ZNF713: variants seen among roughly 807,000 people sequenced by gnomAD.
ZNF713 encodes the protein zinc finger protein 713.
ZNF713 carries 21 observed loss-of-function variants against 28.7 expected under a neutral mutation model. That is an observed-to-expected ratio of 0.73 (90% CI 0.52 to 1.05). The LOEUF (loss-of-function observed/expected upper bound fraction) is 1.05. Ranked by LOEUF, ZNF713 falls within the 50% of genes least tolerant of loss-of-function variation. ZNF713 has a pLI of 0.00. For missense variants in ZNF713, 458 were observed against 532.4 expected (o/e 0.86, Z 1.37); for synonymous variants, 167 against 178.0 (o/e 0.94, Z 0.49).
chr7:55,930,040 C>T lies in ZNF713; in HGVS notation c.307+6341C>T, dbSNP rs537367834. The stretch of plus-strand genomic sequence containing the variant: ...AATGCTCCTCTTAATAAGAGGCCAA[C>T]AGCCCAATAAAAATAATATGAACAG... On this transcript the variant is annotated intron_variant, in intron 6 of 6. Transcript: ENST00000429591. 2.0e-5 allele frequency among the ~76,000 whole-genome samples: 3 copies of T among 151,994 alleles called. No homozygotes were observed. The South Asian group carries it at 6.2e-4, about 32-fold the overall frequency.
At chr7:55,897,055 A>G (rs1337590748) in intron 1 of ZNF713, among the ~76,000 whole-genome samples, 1 of 152,162 alleles carries the variant, frequency 6.6e-6, no homozygotes, top group Non-Finnish European at 1.5e-5. Flanking sequence ...TAATCTAATA[A>G]ATAAATGAAT....
chr7:55,924,119 C>G (rs1180865288), intron 6 of ZNF713: 1 of 154,408 alleles, frequency 6.5e-6, no homozygotes, highest in Non-Finnish European at 1.4e-5. Context: ...AATCTTCTGC[C>G]ATTTTAATCT....
chr7:55,891,511 C>G lies in ZNF713; in HGVS notation c.-583+3831C>G, dbSNP rs559245343. On this transcript the variant is annotated intron_variant, in intron 1 of 6. Coordinates refer to ENST00000429591, the MANE Select transcript of ZNF713 (RefSeq NM_182633.3). ...CCTGGGAAACATGGTGAGACCTGGT[C>G]GCTAATAACAACAACAACAACAACA... 3.7e-4 allele frequency among the ~76,000 whole-genome samples: 28 copies of G among 76,698 alleles called. No homozygotes were observed. In the South Asian group the frequency reaches 0.01, roughly 27 times the overall value. The allele number at this position is 76,698 out of a possible 152,430, so 50.3% of individuals were successfully genotyped here.
intron 1 of ZNF713, among the ~76,000 whole-genome samples, chr7:55,888,471 C>T (rs1050270567): frequency 6.6e-6 from 1 of 152,196 alleles, no homozygotes; most frequent in Non-Finnish European, 1.5e-5. Flanking sequence ...CAGCCTCAAA[C>T]GCCTGGGCTC....
At chr7:55,899,515 A>G (rs755094867) in intron 1 of ZNF713, among the ~76,000 whole-genome samples, 39 of 150,208 alleles carry the variant, frequency 2.6e-4, no homozygotes, top group South Asian at 1.9e-3. Flanking sequence ...TACTAAAAAT[A>G]CAAAAAAATT....
At chr7:55,926,744 G>C (rs1445997383) in intron 6 of ZNF713, among the ~76,000 whole-genome samples, 2 of 152,192 alleles carry the variant, frequency 1.3e-5, no homozygotes, top group Non-Finnish European at 2.9e-5. Context: ...GGGATGATTG[G>C]AAGAACAGTC....
chr7:55,905,890 T>C (rs1785669233), intron 1 of ZNF713, among the ~76,000 whole-genome samples: 1 of 151,854 alleles, frequency 6.6e-6, no homozygotes, highest in African/African-American at 2.4e-5. Context: ...CATCACCACA[T>C]CAGGAGTTCG....
chr7:55,921,017 G>A (rs1785981367), intron 4 of ZNF713, among the ~76,000 whole-genome samples: 1 of 152,110 alleles, frequency 6.6e-6, no homozygotes, highest in Non-Finnish European at 1.5e-5. Flanking sequence ...GTGACTTTAA[G>A]CTGGAGCCAA....
intron 4 of ZNF713, among the ~76,000 whole-genome samples, chr7:55,919,844 T>G (rs1020290308): frequency 2.6e-5 from 4 of 152,052 alleles, no homozygotes; most frequent in African/African-American, 9.7e-5. Context: ...GTGTGTTCTC[T>G]CCTACTCTCT....
chr7:55,894,402 G>A (rs1785437844), intron 1 of ZNF713, among the ~76,000 whole-genome samples: 1 of 152,058 alleles, frequency 6.6e-6, no homozygotes, highest in African/African-American at 2.4e-5. Flanking sequence ...CACAATAGTG[G>A]AAAAATGGAC....
chr7:55,912,947 G>C (rs1470542676), intron 4 of ZNF713, among the ~76,000 whole-genome samples: 2 of 152,102 alleles, frequency 1.3e-5, no homozygotes, highest in African/African-American at 4.8e-5. Context: ...ATGGATTCCT[G>C]CCTGTTCTGG....
chr7:55,893,770 G>A (rs1785428452), intron 1 of ZNF713, among the ~76,000 whole-genome samples: 1 of 152,014 alleles, frequency 6.6e-6, no homozygotes, highest in South Asian at 2.1e-4. Context: ...AGTAGAGACA[G>A]CATTTCACTA....
intron 1 of ZNF713, among the ~76,000 whole-genome samples, chr7:55,894,732 AAAC>A (rs982961550): frequency 6.6e-5 from 10 of 152,254 alleles, no homozygotes; most frequent in African/African-American, 2.4e-4. Context: ...GCAAGAAAGA[AAAC>A]AACCTAAAGG....
At chr7:55,889,773 GAGTTAT>G (rs1481117156) in intron 1 of ZNF713, among the ~76,000 whole-genome samples, 2 of 152,212 alleles carry the variant, frequency 1.3e-5, no homozygotes, top group Non-Finnish European at 2.9e-5. Context: ...TAAATCTTAT[GAGTTAT>G]AGTTCTTGTA....
At chr7:55,924,582 T>C (rs548930301) in intron 6 of ZNF713, 3 of 152,348 alleles carry the variant, frequency 2.0e-5, no homozygotes, top group African/African-American at 7.2e-5. Flanking sequence ...CCTGTCAGAA[T>C]TGAGATTATG....
At chr7:55,902,336 C>G (rs142474340) in intron 1 of ZNF713, among the ~76,000 whole-genome samples, 5 of 152,122 alleles carry the variant, frequency 3.3e-5, no homozygotes, top group Middle Eastern at 3.4e-3. Flanking sequence ...TTTATTAAAC[C>G]ATTTAAATCA....
intron 4 of ZNF713, among the ~76,000 whole-genome samples, chr7:55,917,260 G>A (rs1361054252): frequency 3.6e-5 from 5 of 139,890 alleles, no homozygotes; most frequent in East Asian, 2.0e-4. Context: ...CATCTGCATG[G>A]AAAAAAAAAA....
chr7:55,907,217 A>T (rs1016984268), intron 2 of ZNF713, among the ~76,000 whole-genome samples: 1 of 152,182 alleles, frequency 6.6e-6, no homozygotes, highest in Admixed American at 6.5e-5. Context: ...TAGAAGGAGC[A>T]CTGTGGACGC....
chr7:55,898,628 T>C (rs1290890548), intron 1 of ZNF713, among the ~76,000 whole-genome samples: 2 of 152,156 alleles, frequency 1.3e-5, no homozygotes, highest in Non-Finnish European at 2.9e-5. Context: ...TGTGATCCAA[T>C]CACCTTCCAA....
Sources: allele counts gnomAD v4.1 joint callset (sites outside exome capture counted in the v4.1 genomes callset), GRCh38; gene constraint gnomAD v4.1.1; transcripts MANE v1.5; gene names NCBI Gene and HGNC (gene_info 2026-07-23, HGNC 2026-07-21).